Variants in SYT14 observed in about 807,000 individuals in gnomAD.
The protein encoded by SYT14 is synaptotagmin-14.
SYT14 carries 32 observed loss-of-function variants against 74.2 expected under a neutral mutation model. The ratio of observed to expected loss-of-function variants is 0.43; its 90% confidence interval spans 0.33 to 0.58. The LOEUF is 0.58. Ranked by LOEUF, SYT14 falls within the 20% of genes least tolerant of loss-of-function variation. The probability of loss-of-function intolerance (pLI) is 0.05; values close to 1 mark genes in which losing one functional copy is unlikely to be tolerated. For synonymous variants in SYT14, 298 were observed against 337.7 expected (o/e 0.88, Z 1.29); for missense variants, 791 against 981.8 (o/e 0.81, Z 2.60).
chr1:210,034,239 A>G (rs2103002057), intron 5 of SYT14, among the ~76,000 whole-genome samples: 1 of 151,870 alleles, frequency 6.6e-6, no homozygotes, highest in East Asian at 1.9e-4. Flanking sequence ...CAGGGCCAAA[A>G]TTTAAACACA....
At chr1:210,137,078 A>G (rs545393227) in intron 7 of SYT14, among the ~76,000 whole-genome samples, 4 of 152,174 alleles carry the variant, frequency 2.6e-5, no homozygotes, top group Non-Finnish European at 5.9e-5. Flanking sequence ...CTGGTAACAT[A>G]TGCTTGAAAA....
At chr1:209,946,178 C>G (rs1303894187) in intron 1 of SYT14, among the ~76,000 whole-genome samples, 1 of 152,156 alleles carries the variant, frequency 6.6e-6, no homozygotes, top group African/African-American at 2.4e-5. Flanking sequence ...TTAGGCTTCC[C>G]TATTCCCTGA....
At position 210,052,275 on chromosome 1, in the gene SYT14, C is replaced by T. The variant is rs2081010896; in HGVS notation, c.1312+31021C>T. Among the ~76,000 whole-genome samples the T allele has an allele frequency of 2.0e-5, 3 of 149,614 alleles. No individual in the cohort carries two copies. In the South Asian group the frequency reaches 6.7e-4, roughly 33 times the overall value. On this transcript the variant is annotated intron_variant, in intron 5 of 9. Transcript: ENST00000637265. The stretch of plus-strand genomic sequence containing the variant: ...TTGCTCTGTCGCCCAGGCTGGAGTG[C>T]AGTGGCGCGATCTCGGCTCACTGCA...
chr1:210,143,568 C>G (rs1040430739), intron 7 of SYT14, among the ~76,000 whole-genome samples: 2 of 152,044 alleles, frequency 1.3e-5, no homozygotes, highest in African/African-American at 4.8e-5. Context: ...TATATTATTA[C>G]TGTCCACCAG....
intron 7 of SYT14, among the ~76,000 whole-genome samples, chr1:210,130,841 G>A (rs764987419): frequency 1.3e-5 from 2 of 152,146 alleles, no homozygotes; most frequent in Non-Finnish European, 2.9e-5. Flanking sequence ...GAGAATTCAC[G>A]ATGAAGTTGG....
At chr1:210,128,349 T>C (rs1490419) in intron 7 of SYT14, among the ~76,000 whole-genome samples, 100,328 of 151,340 alleles carry the variant, frequency 0.66, 34,401 homozygotes, top group East Asian at 0.86. Flanking sequence ...TGTACTCTAG[T>C]CTGGGTGACA....
chr1:209,946,038 A>G (rs2078817925), intron 1 of SYT14, among the ~76,000 whole-genome samples: 1 of 152,146 alleles, frequency 6.6e-6, no homozygotes, highest in African/African-American at 2.4e-5. Context: ...GTGATCTTTG[A>G]TGCTACTATT....
chr1:210,079,624 G>C (rs2081582342), intron 5 of SYT14, among the ~76,000 whole-genome samples: 1 of 152,176 alleles, frequency 6.6e-6, no homozygotes, highest in South Asian at 2.1e-4. Flanking sequence ...CCATGAAGGA[G>C]TAGCTGCTAA....
chr1:210,044,901 T>A (rs2080857164), intron 5 of SYT14, among the ~76,000 whole-genome samples: 1 of 152,124 alleles, frequency 6.6e-6, no homozygotes, highest in South Asian at 2.1e-4. Flanking sequence ...GACAGTGAGT[T>A]GGCAGGGATG....
chr1:210,018,354 C>T (rs755245863), intron 4 of SYT14, among the ~76,000 whole-genome samples: 1 of 152,010 alleles, frequency 6.6e-6, no homozygotes, highest in Non-Finnish European at 1.5e-5. Context: ...GGGATGGTCT[C>T]GGTCTCCTGA....
chr1:210,017,105 G>T, intron 4 of SYT14: 2 of 1,229,940 alleles, frequency 1.6e-6, no homozygotes, highest in Non-Finnish European at 2.0e-6. Context: ...AAAAGGTGAG[G>T]TCTCCTAATG....
chr1:210,016,376 A>G (rs1325697646), exon 4 of SYT14: 1 of 1,232,096 alleles, frequency 8.1e-7, no homozygotes, highest in Non-Finnish European at 1.0e-6. Context: ...TGTTAATGAT[A>G]GGCAACAAAC....
intron 2 of SYT14, among the ~76,000 whole-genome samples, chr1:209,979,090 G>A (rs149042271): frequency 1.5e-3 from 225 of 152,226 alleles, no homozygotes; most frequent in African/African-American, 4.7e-3. Flanking sequence ...CCAATTTTCC[G>A]GGTGCCGTCT....
intron 2 of SYT14, among the ~76,000 whole-genome samples, chr1:210,007,314 T>C (rs895535224): frequency 6.6e-6 from 1 of 152,002 alleles, no homozygotes; most frequent in Non-Finnish European, 1.5e-5. Flanking sequence ...GTATGGTCTT[T>C]AGGGAATTCA....
chr1:209,984,425 T>G (rs2079538489), intron 2 of SYT14, among the ~76,000 whole-genome samples: 1 of 152,246 alleles, frequency 6.6e-6, no homozygotes, highest in African/African-American at 2.4e-5. Flanking sequence ...GTTTAATGGT[T>G]GTTTCAGTGG....
chr1:210,028,183 T>C (rs2080454516), intron 5 of SYT14, among the ~76,000 whole-genome samples: 1 of 152,212 alleles, frequency 6.6e-6, no homozygotes, highest in African/African-American at 2.4e-5. Flanking sequence ...GTCTCGCTTA[T>C]TTTAGTCAGC....
intron 2 of SYT14, among the ~76,000 whole-genome samples, chr1:210,008,195 GGTT>G (rs1473669089): frequency 6.6e-6 from 1 of 152,102 alleles, no homozygotes; most frequent in Non-Finnish European, 1.5e-5. Context: ...ATATTGTTCA[GGTT>G]GTTATTAGTT....
chr1:210,043,574 A>T (rs1005516013), intron 5 of SYT14, among the ~76,000 whole-genome samples: 1 of 152,224 alleles, frequency 6.6e-6, no homozygotes, highest in Non-Finnish European at 1.5e-5. Flanking sequence ...AGAATTTGAA[A>T]TATATTTTGG....
At chr1:210,138,372 C>T (rs564141080) in intron 7 of SYT14, among the ~76,000 whole-genome samples, 2 of 152,308 alleles carry the variant, frequency 1.3e-5, no homozygotes, top group Middle Eastern at 3.4e-3. Context: ...CACCAGTTCC[C>T]TCCCATGACA....
Sources: gnomAD v4.1 joint callset for allele counts (sites outside exome capture counted in the v4.1 genomes callset) on GRCh38, gnomAD v4.1.1 for gene constraint, MANE v1.5 for transcripts, NCBI Gene and HGNC (gene_info 2026-07-23, HGNC 2026-07-21) for gene names.